Variants in PHTF1 observed in about 807,000 individuals in gnomAD.
PHTF1 encodes protein PHTF1.
In PHTF1, 88 loss-of-function variants were observed where a neutral mutation model predicts 102.4. The ratio of observed to expected loss-of-function variants is 0.86; its 90% CI spans 0.72 to 1.03. The LOEUF is 1.03. Among genes scored for constraint, PHTF1 ranks in the 50% least tolerant of loss-of-function variants. The pLI is 0.00. For synonymous variants in PHTF1, 289 were observed against 305.2 expected (o/e 0.95, Z 0.55); for missense variants, 814 against 909.5 (o/e 0.89, Z 1.35).
chr1:113,756,182 T>C (rs1658850581), intron 3 of PHTF1, among the ~76,000 whole-genome samples: 3 of 152,122 alleles, frequency 2.0e-5, no homozygotes, highest in Admixed American at 2.0e-4. Flanking sequence ...GCTGTTTCCA[T>C]TACACCATAC....
In PHTF1 at chr1:113,759,088, T is replaced by A. The variant is rs1182446597; in HGVS notation, c.-96A>T. ...GTCCTCAGTGCCCGGGGTCCCACCG[T>A]GAGGCCGGGGGCGAGGCGGCGGGCC... On this transcript the variant is annotated 5_prime_UTR_variant, in exon 1 of 19. Coordinates refer to ENST00000369604, the MANE Select transcript of PHTF1 (RefSeq NM_001323043.2). The A allele has an allele frequency of 4.0e-6, 4 of 993,032 alleles. No individual in the cohort carries two copies. The highest frequency in any genetic ancestry group is 4.8e-6 in the Non-Finnish European group (4 of 835,382). The allele number at this position is 993,032 out of a possible 1,614,324, so 61.5% of individuals were successfully genotyped here. A position where few individuals can be genotyped will look rare whatever the true frequency, so the allele number is the denominator to read the frequency against.
At chr1:113,725,611 A>G (rs903430287) in intron 6 of PHTF1, 14 of 152,234 alleles carry the variant, frequency 9.2e-5, no homozygotes, top group Non-Finnish European at 1.6e-4. Flanking sequence ...TATACCATAT[A>G]ATCGATTAAA....
intron 5 of PHTF1, among the ~76,000 whole-genome samples, chr1:113,736,603 G>C (rs1557953630): frequency 6.6e-6 from 1 of 151,914 alleles, no homozygotes; most frequent in Non-Finnish European, 1.5e-5. Flanking sequence ...AAAATTAGCT[G>C]GACGTGGTGG....
Position 113,698,345 on chromosome 1 carries a change from G to C in PHTF1, c.2185C>G (p.Pro729Ala). 6.2e-7 allele frequency: 1 copy of C among 1,608,534 alleles called. No individual in the cohort carries two copies. Among genetic ancestry groups the C allele is most frequent in the Non-Finnish European group, 8.5e-7 (1 of 1,175,118 alleles). The change falls in exon 18 of 19, where the codon CCC becomes GCC. Residue 729 changes from proline (P) to alanine (A), a missense_variant. Pro to Ala is a conservative substitution (Grantham distance 27). Coordinates refer to ENST00000369604, the MANE Select transcript of PHTF1 (RefSeq NM_001323043.2). The part of the protein sequence containing the change: ...PFRLYGLTMN[P>A]LIYNITRVVI... ...ACTCTTGTGATATTGTAGATTAAGGGATTCATTGTCAGTCCATAGAGTCTA... is the reference window on the plus strand; with the variant it reads ...ACTCTTGTGATATTGTAGATTAAGGCATTCATTGTCAGTCCATAGAGTCTA...
Position 113,710,262 on chromosome 1 carries a change from A to G in PHTF1, c.1261T>C (p.Phe421Leu), listed in dbSNP as rs1342004200. Residue 421 changes from phenylalanine (F) to leucine (L), a missense_variant, in exon 11 of 19, where the codon TTT (phenylalanine) becomes CTT (leucine). Coordinates refer to ENST00000369604, the MANE Select transcript of PHTF1 (RefSeq NM_001323043.2). The part of the protein sequence containing the change: ...GTKRDPKEDV[F>L]QQNHLFWLQN... ...ATCATGTCTGCACAGACCTGCTGAA[A>G]AACATCCTCTTTGGGGTCACGTTTG... 6.2e-7 allele frequency: 1 copy of G among 1,612,122 alleles called. No individual in the cohort carries two copies. Among genetic ancestry groups the G allele is most frequent in the East Asian group, 2.2e-5 (1 of 44,884 alleles).
At chr1:113,703,743 A>G (rs1349589223) in intron 15 of PHTF1, 1 of 192,062 alleles carries the variant, frequency 5.2e-6, no homozygotes, top group Non-Finnish European at 1.1e-5. Context: ...TGAATAAATA[A>G]GAGGGAAAGA....
intron 7 of PHTF1, among the ~76,000 whole-genome samples, chr1:113,723,572 C>T (rs1168207806): frequency 6.6e-6 from 1 of 152,202 alleles, no homozygotes; most frequent in Non-Finnish European, 1.5e-5. Context: ...TGAATATTCA[C>T]ATGCAGAAGA....
chr1:113,729,911 A>G (rs1489748887), intron 5 of PHTF1, among the ~76,000 whole-genome samples: 2 of 152,188 alleles, frequency 1.3e-5, no homozygotes, highest in Non-Finnish European at 2.9e-5. Flanking sequence ...CTGGGTGGCA[A>G]TATTTTGCAT....
chr1:113,756,990 A>AC (rs1557982633), intron 3 of PHTF1, among the ~76,000 whole-genome samples: 2 of 152,090 alleles, frequency 1.3e-5, no homozygotes, highest in Non-Finnish European at 2.9e-5. Context: ...ACACAGTGAA[A>AC]CCCCGTCTCT....
upstream of PHTF1, among the ~76,000 whole-genome samples, chr1:113,759,657 A>C (rs1659434132): frequency 6.6e-6 from 1 of 152,234 alleles, no homozygotes; most frequent in African/African-American, 2.4e-5. Flanking sequence ...ATCGATGGCC[A>C]AGAGCAGCTC....
chr1:113,752,741 T>C (rs927786573), intron 3 of PHTF1, among the ~76,000 whole-genome samples: 37 of 152,226 alleles, frequency 2.4e-4, no homozygotes, highest in African/African-American at 8.9e-4. Flanking sequence ...TATGCTGTCA[T>C]GAGTAAAGGC....
chr1:113,753,426 CTT>C (rs35584973), intron 3 of PHTF1, among the ~76,000 whole-genome samples: 1,824 of 146,926 alleles, frequency 0.012, 14 homozygotes, highest in Non-Finnish European at 0.02. Flanking sequence ...TTAGGTTCTT[CTT>C]TTTTTTTTTT....
chr1:113,700,146 C>G (rs1649283881), intron 16 of PHTF1: 4 of 972,230 alleles, frequency 4.1e-6, no homozygotes, highest in Non-Finnish European at 4.9e-6. Flanking sequence ...GATAATCTAA[C>G]ATCCTCATTA....
rs539866573 is a variant in PHTF1 at position 113,728,364 on chromosome 1, T to C, written c.332-1790A>G. 3.9e-5 allele frequency among the ~76,000 whole-genome samples: 6 copies of C among 152,316 alleles called. No homozygotes were observed. The East Asian group carries it at 9.6e-4, about 24-fold the overall frequency. The stretch of plus-strand genomic sequence containing the variant: ...GGCATATGAAAAGGTGCTCATATCA[T>C]TGATCACAGAAATGCAAATCAAAAC... On this transcript the variant is annotated intron_variant, in intron 5 of 18. Transcript: ENST00000369604.
Position 113,711,991 on chromosome 1 carries a change from A to G in PHTF1, c.906T>C (p.Gly302=), listed in dbSNP as rs772411788. 6.2e-7 allele frequency: 1 copy of G among 1,613,962 alleles called. No individual in the cohort carries two copies. The highest frequency in any genetic ancestry group is 1.7e-5 in the Admixed American group (1 of 59,994). The part of the protein sequence containing the change: ...RSVEGASSDN[G]CEVKNRKSIL... ...TTGATTTTCTATTCTTAACTTCACA[A>G]CCATTGTCACTTGAGGCCCCTTCCA... Residue 302 remains glycine, a synonymous_variant, in exon 9 of 19, where the codon GGT becomes GGC. Coordinates refer to ENST00000369604, the MANE Select transcript of PHTF1 (RefSeq NM_001323043.2).
At chr1:113,750,472 TA>T (rs1657886594) in intron 3 of PHTF1, among the ~76,000 whole-genome samples, 1 of 152,120 alleles carries the variant, frequency 6.6e-6, no homozygotes, top group South Asian at 2.1e-4. Context: ...TTTTTAAAAA[TA>T]AAACACACAA....
chr1:113,728,239 C>T (rs1654139169), intron 5 of PHTF1, among the ~76,000 whole-genome samples: 1 of 152,134 alleles, frequency 6.6e-6, no homozygotes, highest in African/African-American at 2.4e-5. Context: ...ATATAAGGAG[C>T]TCAAACAACT....
At chr1:113,699,484 G>C in intron 17 of PHTF1, 1 of 648,500 alleles carries the variant, frequency 1.5e-6, no homozygotes, top group Non-Finnish European at 2.8e-6. Context: ...ACTTGGTGAT[G>C]GGGAGCCACT....
At chr1:113,747,569 A>C (rs993697962) in intron 3 of PHTF1, among the ~76,000 whole-genome samples, 1 of 152,230 alleles carries the variant, frequency 6.6e-6, no homozygotes, top group South Asian at 2.1e-4. Flanking sequence ...GTTTTCTGAC[A>C]CTATGAATTC....
Sources: gnomAD v4.1 joint callset for allele counts (sites outside exome capture counted in the v4.1 genomes callset) on GRCh38, gnomAD v4.1.1 for gene constraint, MANE v1.5 for transcripts, NCBI Gene and HGNC (gene_info 2026-07-23, HGNC 2026-07-21) for gene names.